The following VPS13D variants were observed in gnomAD, a reference collection of about 807,000 sequenced individuals.
VPS13D encodes the protein vacuolar protein sorting 13 homolog D, also known as intermembrane lipid transfer protein VPS13D.
In VPS13D, 187 loss-of-function variants were observed where a neutral mutation model predicts 461.9. The observed-to-expected ratio is 0.40, with a 90% CI of 0.36 to 0.46. The LOEUF (loss-of-function observed/expected upper bound fraction) is 0.46, where lower values mean the gene tolerates loss of function less well. VPS13D is among the 20% of genes least tolerant of loss of function. The pLI is 0.60. For synonymous variants in VPS13D, 1,951 were observed against 1,986.3 expected (o/e 0.98, Z 0.47); for missense variants, 4,711 against 5,364.9 (o/e 0.88, Z 3.81).
chr1:12,259,987 T>C (rs1641053421), intron 10 of VPS13D, among the ~76,000 whole-genome samples: 1 of 147,676 alleles, frequency 6.8e-6, no homozygotes, highest in Non-Finnish European at 1.5e-5. Flanking sequence ...AAAGTGTGGG[T>C]GCTGCAATAG....
rs779808997 is a variant in VPS13D, at chr1:12,386,342, G to A, written c.11634+8G>A. ...AGCATACAGGATGTACAGGTAAGGG[G>A]GAAGTTCCAAAGCTGTTAGTCACCT... On this transcript the variant is annotated splice_region_variant and intron_variant, in intron 60 of 69. Coordinates refer to ENST00000620676, the MANE Select transcript of VPS13D (RefSeq NM_015378.4). The A allele has an allele frequency of 1.3e-6, 2 of 1,590,516 alleles. No individual in the cohort carries two copies. Among genetic ancestry groups the A allele is most frequent in the East Asian group, 4.6e-5 (2 of 43,178 alleles).
At chr1:12,500,285 A>C in intron 68 of VPS13D, 1 of 935,506 alleles carries the variant, frequency 1.1e-6, no homozygotes, top group Non-Finnish European at 1.3e-6. Context: ...TCCTCTGATA[A>C]GTTGCACAAT....
chr1:12,468,310 G>A (rs1025861632), intron 67 of VPS13D, among the ~76,000 whole-genome samples: 3 of 152,204 alleles, frequency 2.0e-5, no homozygotes, highest in Non-Finnish European at 4.4e-5. Context: ...CCTCTGTAAA[G>A]GCATTGGATT....
chr1:12,256,349 G>T lies in VPS13D; in HGVS notation c.686G>T (p.Ser229Ile). 6.2e-7 allele frequency: 1 copy of T among 1,613,852 alleles called. No homozygotes were observed. The highest frequency in any genetic ancestry group is 8.5e-7 in the Non-Finnish European group (1 of 1,179,998). ...GACACACAGGAGGCCATGGCCAGGA[G>T]CATGGAGAGTCGCAGCCATCACTAC... ...QMELQEAMAR[S>I]MESRSHHYVL... The change falls in exon 8 of 70, where the codon AGC (serine) becomes ATC (isoleucine). Residue 229 changes from serine to isoleucine, a missense_variant. Transcript: ENST00000620676.
At chr1:12,305,866 C>A (rs1055022870) in intron 26 of VPS13D, among the ~76,000 whole-genome samples, 1 of 152,134 alleles carries the variant, frequency 6.6e-6, no homozygotes, top group South Asian at 2.1e-4. Context: ...TAATTTTCAT[C>A]CCCGTAGTAG....
intron 65 of VPS13D, among the ~76,000 whole-genome samples, chr1:12,437,051 CGT>C (rs369897642): frequency 2.6e-5 from 4 of 151,034 alleles, no homozygotes; most frequent in Admixed American, 6.6e-5. Flanking sequence ...CCTGTCACAC[CGT>C]GTGTGTGTGT....
intron 40 of VPS13D, 60 bp downstream of exon 40, chr1:12,338,365 A>T: frequency 2.0e-6 from 3 of 1,531,560 alleles, no homozygotes; most frequent in Admixed American, 1.8e-5. Flanking sequence ...TTCCTTGTAC[A>T]TCAATTTTTT....
chr1:12,331,460 C>G (rs889473099), intron 37 of VPS13D, among the ~76,000 whole-genome samples: 1 of 151,906 alleles, frequency 6.6e-6, no homozygotes, highest in Non-Finnish European at 1.5e-5. Flanking sequence ...GTAATCCCAG[C>G]GCTTTGGGAG....
intron 65 of VPS13D, among the ~76,000 whole-genome samples, chr1:12,452,387 T>C (rs1354211117): frequency 1.3e-5 from 2 of 152,250 alleles, no homozygotes; most frequent in African/African-American, 4.8e-5. Flanking sequence ...CCTGTTTTGA[T>C]GACCATCTTC....
At position 12,505,335 on chromosome 1, in the gene VPS13D, G is replaced by A. The variant is rs1262795091; in HGVS notation, c.12795-1518G>A. 6.6e-6 allele frequency among the ~76,000 whole-genome samples: 1 copy of A among 152,216 alleles called. No homozygotes were observed. Among genetic ancestry groups the A allele is most frequent in the African/African-American group, 2.4e-5 (1 of 41,444 alleles). On this transcript the variant is annotated intron_variant, in intron 68 of 69. Transcript: ENST00000620676. This position sits in a 1 kb window ranked among gnomAD's most constrained non-coding sequence, Gnocchi z 4.2. ...TCAGTGATGCTGCCGCTCTCAATGCGGTTAGAGCGCAAGATGTGAGAACGT... is the reference window on the plus strand; with the variant it reads ...TCAGTGATGCTGCCGCTCTCAATGCAGTTAGAGCGCAAGATGTGAGAACGT...
intron 65 of VPS13D, among the ~76,000 whole-genome samples, chr1:12,433,949 A>AGAGAGAGAGAGAGAGAGAGAGTGTGT (rs1553121770): frequency 6.2e-5 from 9 of 144,926 alleles, no homozygotes; most frequent in African/African-American, 1.5e-4. Context: ...AGAGAGAGAG[A>AGAGAGAGAGAGAGAGAGAGAGTGTGT]GTGTGTGTGT....
At chr1:12,233,507 T>G (rs571623776) in intron 1 of VPS13D, among the ~76,000 whole-genome samples, 1 of 152,290 alleles carries the variant, frequency 6.6e-6, no homozygotes, top group South Asian at 2.1e-4. Flanking sequence ...TGATAAAAAA[T>G]GCCTCCAGAG....
Position 12,381,302 on chromosome 1 carries a change from A to G in VPS13D, c.11191-1674A>G, listed in dbSNP as rs1644268953. On this transcript the variant is annotated intron_variant, in intron 57 of 69. Transcript: ENST00000620676. Reference sequence around the variant, plus strand: ...CTTTCTTTGTGTTGAAACCTGTACTATAAACCCTGCTCAAAGTTTGCTTTT... The same window carrying G: ...CTTTCTTTGTGTTGAAACCTGTACTGTAAACCCTGCTCAAAGTTTGCTTTT... 2.6e-5 allele frequency among the ~76,000 whole-genome samples: 4 copies of G among 152,234 alleles called. No individual in the cohort carries two copies. The South Asian group carries it at 8.3e-4, about 32-fold the overall frequency.
chr1:12,267,876 T>G lies in VPS13D; in HGVS notation c.1757T>G (p.Phe586Cys). The G allele has an allele frequency of 6.2e-7, 1 of 1,614,196 alleles. No individual in the cohort carries two copies. Among genetic ancestry groups the G allele is most frequent in the Non-Finnish European group, 8.5e-7 (1 of 1,180,024 alleles). The part of the protein sequence containing the change: ...QKEVGRVSQS[F>C]GLQTTSADRS... ...GAAGTTGGCAGAGTCTCACAATCTT[T>G]TGGTCTACAAACTACATCTGCAGAC... The change falls in exon 15 of 70, where the codon TTT becomes TGT. Residue 586 changes from phenylalanine (F) to cysteine (C), a missense_variant. This residue lies in a region of VPS13D where 4,411 missense variants were observed against 4,937.8 expected (regional missense o/e 0.89). Transcript: ENST00000620676.
At chr1:12,489,841 G>A (rs2100516977) in intron 67 of VPS13D, among the ~76,000 whole-genome samples, 1 of 152,292 alleles carries the variant, frequency 6.6e-6, no homozygotes, top group East Asian at 1.9e-4. Flanking sequence ...CTTTATAGAT[G>A]AGAAAACCAT....
At chr1:12,430,269 C>G (rs1409005812) in intron 65 of VPS13D, among the ~76,000 whole-genome samples, 1 of 152,152 alleles carries the variant, frequency 6.6e-6, no homozygotes, top group Non-Finnish European at 1.5e-5. Flanking sequence ...TCTTCACAAA[C>G]TTATGCATTA....
rs376813483 is a variant in VPS13D at position 12,411,058 on chromosome 1, C to A, written c.12031-4029C>A. 2.6e-4 allele frequency among the ~76,000 whole-genome samples: 40 copies of A among 152,126 alleles called. 3 individuals carry two copies. Among genetic ancestry groups the A allele is most frequent in the Admixed American group, 2.1e-3 (32 of 15,282 alleles). ...TTTTCTTGAGATAAAGGAAAGATAC[C>A]CATTATCACCACTTCTTTCACCGTT... On this transcript the variant is annotated intron_variant, in intron 63 of 69. Coordinates refer to ENST00000620676, the MANE Select transcript of VPS13D (RefSeq NM_015378.4).
intron 63 of VPS13D, 83 bp from the exon 64 acceptor site, chr1:12,415,004 A>G (rs142998259): frequency 1.2e-4 from 179 of 1,508,530 alleles, no homozygotes; most frequent in Non-Finnish European, 1.5e-4. Flanking sequence ...CATGACTTGT[A>G]GCTTTAATGG....
intron 25 of VPS13D, among the ~76,000 whole-genome samples, chr1:12,300,999 C>A (rs1327590460): frequency 6.6e-6 from 1 of 152,152 alleles, no homozygotes; most frequent in Non-Finnish European, 1.5e-5. Context: ...AGTATAATAG[C>A]TAATAACGTA....
Sources: allele counts gnomAD v4.1 joint callset (sites outside exome capture counted in the v4.1 genomes callset), GRCh38; gene constraint gnomAD v4.1.1; regional missense constraint gnomAD v4.1.1; non-coding constraint Gnocchi (gnomAD v3.1); transcripts MANE v1.5; gene names NCBI Gene and HGNC (gene_info 2026-07-23, HGNC 2026-07-21).